The following SLC41A3 variants were observed in gnomAD, a reference collection of about 807,000 sequenced individuals.
The protein encoded by SLC41A3 is SLC41A1-like 2.
In SLC41A3, 44 loss-of-function variants were observed where a neutral mutation model predicts 45.4. The ratio of observed to expected loss-of-function variants is 0.97; its 90% CI spans 0.76 to 1.25. SLC41A3 has a LOEUF of 1.25. Among genes scored for constraint, SLC41A3 ranks in the 50% most tolerant of loss-of-function variants. The pLI is 0.00. For synonymous variants in SLC41A3, 256 were observed against 252.4 expected (o/e 1.01, Z -0.13); for missense variants, 550 against 600.6 (o/e 0.92, Z 0.88).
chr3:126,028,758 C>A (rs567026780), intron 4 of SLC41A3, among the ~76,000 whole-genome samples: 2 of 152,276 alleles, frequency 1.3e-5, no homozygotes, highest in African/African-American at 2.4e-5. Context: ...GCAGACAGGG[C>A]GGAACCCTGC....
chr3:126,006,915 G>C lies in SLC41A3; in HGVS notation c.*101C>G. 1 of 1,568,738 alleles carries C rather than the reference G, an allele frequency of 6.4e-7. No individual in the cohort carries two copies. The highest frequency in any genetic ancestry group is 1.2e-5 in the South Asian group (1 of 81,800). ...TCACAAAAGGCTACTGCAGAGGCAG[G>C]GGTCAACCATCCCAAGGACCTGGCA... On this transcript the variant is annotated 3_prime_UTR_variant, in exon 11 of 11. Coordinates refer to ENST00000360370, the MANE Select transcript of SLC41A3 (RefSeq NM_017836.4).
chr3:126,033,717 G>C (rs371420398), intron 3 of SLC41A3, 39 bp from the exon 4 acceptor site: 55 of 1,597,076 alleles, frequency 3.4e-5, no homozygotes, highest in Non-Finnish European at 4.3e-6. Flanking sequence ...GGACTGGCTA[G>C]GCCCAAAGCC....
chr3:126,087,097 A>C (rs1472946562), upstream of SLC41A3, among the ~76,000 whole-genome samples: 1 of 152,178 alleles, frequency 6.6e-6, no homozygotes, highest in African/African-American at 2.4e-5. Flanking sequence ...GAATACTATA[A>C]GATTAGCCAT....
intron 3 of SLC41A3, 120 bp downstream of exon 3, chr3:126,050,823 C>A (rs973811103): frequency 5.0e-6 from 7 of 1,409,868 alleles, no homozygotes; most frequent in Non-Finnish European, 6.5e-6. Flanking sequence ...GTATCAAAAC[C>A]CAGAAATATC....
intron 1 of SLC41A3, among the ~76,000 whole-genome samples, chr3:126,069,559 A>C (rs6804734): frequency 0.053 from 8,023 of 152,258 alleles, 697 homozygotes; most frequent in African/African-American, 0.18. Context: ...TATACTGTTA[A>C]AGGTCTAGTT....
intron 1 of SLC41A3, among the ~76,000 whole-genome samples, chr3:126,096,580 G>A (rs570895001): frequency 1.5e-4 from 23 of 152,358 alleles, no homozygotes; most frequent in African/African-American, 5.5e-4. Flanking sequence ...AACCACAAAC[G>A]ATAGCATGAG....
At chr3:126,077,737 A>C (rs1020922018) in intron 1 of SLC41A3, among the ~76,000 whole-genome samples, 1 of 152,232 alleles carries the variant, frequency 6.6e-6, no homozygotes, top group East Asian at 1.9e-4. Context: ...AGAACTGAAC[A>C]GGGATGTGTG....
intron 2 of SLC41A3, chr3:126,056,226 C>A (rs1026315255): frequency 6.1e-5 from 71 of 1,168,744 alleles, no homozygotes; most frequent in Non-Finnish European, 1.1e-5. Flanking sequence ...GACGCCCAAG[C>A]AGCAAGGGCA....
At chr3:126,081,800 G>GCCACAGTCTTGGTGAGTCACTCAC (rs1945166585) in intron 1 of SLC41A3, among the ~76,000 whole-genome samples, 1 of 152,226 alleles carries the variant, frequency 6.6e-6, no homozygotes. Flanking sequence ...TCCTCACTCA[G>GCCACAGTCTTGGTGAGTCACTCAC]CCACAGTCTT....
chr3:126,015,433 CA>C, intron 8 of SLC41A3, 60 bp downstream of exon 8: 1 of 1,575,164 alleles, frequency 6.3e-7, no homozygotes, highest in Non-Finnish European at 8.7e-7. Flanking sequence ...TGTTCCGGTC[CA>C]ACCCAATCCT....
At chr3:126,069,756 A>G (rs532268870) in intron 1 of SLC41A3, among the ~76,000 whole-genome samples, 1 of 152,202 alleles carries the variant, frequency 6.6e-6, no homozygotes, top group Non-Finnish European at 1.5e-5. Flanking sequence ...TTGAATACAG[A>G]GTATCAATAT....
At chr3:126,079,144 A>G (rs1422577007) in intron 1 of SLC41A3, 1 of 152,072 alleles carries the variant, frequency 6.6e-6, no homozygotes, top group African/African-American at 2.4e-5. Context: ...CTGAGCAACC[A>G]GGGAAGTGGA....
intron 1 of SLC41A3, among the ~76,000 whole-genome samples, chr3:126,076,811 G>T (rs1944899223): frequency 6.6e-6 from 1 of 152,082 alleles, no homozygotes; most frequent in Admixed American, 6.5e-5. Context: ...GGCCTACTTT[G>T]CGATTTAGAT....
At chr3:126,013,787 A>G (rs1305795230) in intron 8 of SLC41A3, among the ~76,000 whole-genome samples, 1 of 152,128 alleles carries the variant, frequency 6.6e-6, no homozygotes, top group Non-Finnish European at 1.5e-5. Flanking sequence ...CCACATTCAT[A>G]GATGCTTTGG....
At chr3:126,048,487 TAC>T (rs1449483073) in intron 3 of SLC41A3, among the ~76,000 whole-genome samples, 1 of 152,256 alleles carries the variant, frequency 6.6e-6, no homozygotes, top group Non-Finnish European at 1.5e-5. Context: ...CCATTTGTTT[TAC>T]AGTTTTCTAA....
chr3:126,067,298 T>C (rs139264772), intron 2 of SLC41A3, among the ~76,000 whole-genome samples: 7 of 152,302 alleles, frequency 4.6e-5, no homozygotes, highest in African/African-American at 1.7e-4. Flanking sequence ...GGCTAAATTA[T>C]GTCCCTGCAA....
intron 4 of SLC41A3, among the ~76,000 whole-genome samples, chr3:126,028,290 T>C (rs1474622417): frequency 6.6e-6 from 1 of 152,106 alleles, no homozygotes; most frequent in African/African-American, 2.4e-5. Context: ...CCAGGGCCCC[T>C]GCTGCCCTGC....
intron 1 of SLC41A3, among the ~76,000 whole-genome samples, chr3:126,075,512 C>A (rs1447215372): frequency 7.1e-6 from 1 of 140,074 alleles, no homozygotes; most frequent in Non-Finnish European, 1.5e-5. Context: ...CAAGCTGATT[C>A]TAAAATGCAA....
chr3:126,050,836 T>A, intron 3 of SLC41A3, 107 bp downstream of exon 3: 1 of 1,426,352 alleles, frequency 7.0e-7, no homozygotes, highest in South Asian at 1.6e-5. Context: ...GAAATATCCA[T>A]TGTTTTGGAG....
Sources: allele counts gnomAD v4.1 joint callset (sites outside exome capture counted in the v4.1 genomes callset), GRCh38; gene constraint gnomAD v4.1.1; transcripts MANE v1.5; gene names NCBI Gene and HGNC (gene_info 2026-07-23, HGNC 2026-07-21).